PNKD: variants seen among roughly 807,000 people sequenced by gnomAD.
PNKD encodes the protein PNKD metallo-beta-lactamase domain containing, also known as probable thioesterase PNKD.
PNKD carries 36 observed loss-of-function variants against 45.3 expected under a neutral mutation model. That is an observed-to-expected ratio of 0.80 (90% confidence interval 0.61 to 1.05). The LOEUF (loss-of-function observed/expected upper bound fraction) is 1.05. Among genes scored for constraint, PNKD ranks in the 50% least tolerant of loss-of-function variants. PNKD has a pLI of 0.00. For synonymous variants in PNKD, 197 were observed against 210.1 expected, an observed-to-expected ratio of 0.94 and a Z score of 0.54; for missense variants, 511 against 506.6, an observed-to-expected ratio of 1.01 and a Z score of -0.08.
At chr2:218,282,198 GAA>G in intron 2 of PNKD, 1 of 1,364,086 alleles carries the variant, frequency 7.3e-7, no homozygotes, top group South Asian at 1.6e-5. Context: ...TGGGAGAGGA[GAA>G]AAGCAATCGT....
At chr2:218,277,876 C>T in intron 2 of PNKD, 1 of 1,610,126 alleles carries the variant, frequency 6.2e-7, no homozygotes, top group Non-Finnish European at 8.5e-7. Context: ...CCATCCCTTC[C>T]CTGGGAGCAG....
At chr2:218,313,607 T>C (rs1010362841) in intron 2 of PNKD, among the ~76,000 whole-genome samples, 3 of 152,210 alleles carry the variant, frequency 2.0e-5, no homozygotes, top group Non-Finnish European at 4.4e-5. Flanking sequence ...TTGTAGAGTT[T>C]CATCATTACC....
At chr2:218,314,596 A>T (rs1693719140) in intron 2 of PNKD, among the ~76,000 whole-genome samples, 1 of 151,660 alleles carries the variant, frequency 6.6e-6, no homozygotes, top group Non-Finnish European at 1.5e-5. Context: ...TTAGCCATTT[A>T]TTAATTTATT....
intron 2 of PNKD, among the ~76,000 whole-genome samples, chr2:218,305,524 T>A (rs551865159): frequency 7.2e-4 from 109 of 152,102 alleles, no homozygotes; most frequent in African/African-American, 2.0e-3. Context: ...TTTTTTTTTT[T>A]AATTTTTTGT....
At chr2:218,307,960 AC>A (rs1306215310) in intron 2 of PNKD, among the ~76,000 whole-genome samples, 1 of 152,190 alleles carries the variant, frequency 6.6e-6, no homozygotes, top group African/African-American at 2.4e-5. Context: ...ATGGAGCAGT[AC>A]AGGCAGGGGC....
intron 9 of PNKD, 78 bp downstream of exon 9, chr2:218,344,648 G>C: frequency 7.0e-7 from 1 of 1,427,146 alleles, no homozygotes; most frequent in Non-Finnish European, 9.9e-7. Flanking sequence ...GCTGACCCCA[G>C]GCCTGCGAGC....
chr2:218,279,736 G>A (rs547349186), intron 2 of PNKD, among the ~76,000 whole-genome samples: 1 of 152,328 alleles, frequency 6.6e-6, no homozygotes, highest in East Asian at 1.9e-4. Flanking sequence ...ATAGTCTAAA[G>A]GGAGAAAGAT....
intron 2 of PNKD, among the ~76,000 whole-genome samples, chr2:218,314,202 C>T (rs7581940): frequency 0.09 from 12,598 of 139,218 alleles, 1,936 homozygotes; most frequent in African/African-American, 0.32. Flanking sequence ...GGATTACAGG[C>T]GTGAGCCACC....
intron 2 of PNKD, chr2:218,279,905 G>A (rs1691692539): frequency 2.6e-6 from 2 of 773,634 alleles, no homozygotes; most frequent in African/African-American, 1.7e-5. Flanking sequence ...CAAGGCTAGA[G>A]AAGACAGGCA....
In PNKD at chr2:218,340,131, G is replaced by A. The variant is rs73990423; in HGVS notation, c.455G>A (p.Arg152Gln). The change falls in exon 4 of 10, where the codon CGG becomes CAG. Residue 152 changes from arginine (R) to glutamine (Q), a missense_variant. By Grantham distance (43) the Arg-to-Gln change is conservative. Transcript: ENST00000273077. This position sits in a 1 kb window ranked among gnomAD's most constrained non-coding sequence, Gnocchi z 4.2. ...GTGGCTGTGGACCCTTCAGACCCTC[G>A]GGCTGTGCAGGTGAGGGGAGGGCAG... ...LAVAVDPSDP[R>Q]AVQASIEKEG... 5,156 of 1,608,544 alleles carry A rather than the reference G, an allele frequency of 3.2e-3. 146 individuals carry two copies. The African/African-American group carries it at 0.06, about 19-fold the overall frequency.
At chr2:218,341,809 A>G in intron 6 of PNKD, 172 bp from the exon 7 acceptor site, 1 of 768,980 alleles carries the variant, frequency 1.3e-6, no homozygotes, top group East Asian at 2.7e-5. Flanking sequence ...CATAGTCCCC[A>G]AAAGAGGAAA....
At chr2:218,278,933 C>T in intron 2 of PNKD, 1 of 1,350,388 alleles carries the variant, frequency 7.4e-7, no homozygotes, top group Non-Finnish European at 1.0e-6. Flanking sequence ...ACTTGGGGGC[C>T]CTCTCAAAAA....
chr2:218,341,384 G>A, intron 5 of PNKD, 150 bp from the exon 6 acceptor site: 2 of 598,632 alleles, frequency 3.3e-6, no homozygotes, highest in South Asian at 2.2e-5. Context: ...CAAGGGAACA[G>A]CTTGAACAAA....
Position 218,340,174 on chromosome 2 carries a change from G to A in PNKD, c.465+33G>A. On this transcript the variant is annotated intron_variant, in intron 4 of 9. Transcript: ENST00000273077. The surrounding 1 kb of genome is among the most constrained non-coding windows in gnomAD (Gnocchi z 4.2). ...GAGGGCAGGGAGCAGGGGGTGCCTG[G>A]AGTCACCTTGGGGACTGGCAGTTTC... 7.2e-7 allele frequency: 1 copy of A among 1,380,692 alleles called. No homozygotes were observed. Among genetic ancestry groups the A allele is most frequent in the Non-Finnish European group, 1.0e-6 (1 of 970,028 alleles). The allele number at this position is 1,380,692 out of a possible 1,614,324, so 85.5% of individuals were successfully genotyped here.
chr2:218,310,592 C>CTTT (rs58558174), intron 2 of PNKD, among the ~76,000 whole-genome samples: 12,083 of 115,572 alleles, frequency 0.1, 1,831 homozygotes, highest in African/African-American at 0.31. Context: ...TGCTTTATTG[C>CTTT]TTTTTTTTTT....
chr2:218,343,572 C>A lies in PNKD; in HGVS notation c.854C>A (p.Thr285Asn), dbSNP rs754573542. 2.5e-6 allele frequency: 4 copies of A among 1,612,608 alleles called. No individual in the cohort carries two copies. Among genetic ancestry groups the A allele is most frequent in the African/African-American group, 2.7e-5 (2 of 74,880 alleles). Reference sequence around the variant, plus strand: ...ACTGTGCTGGGGCTAGGGGATGACACCCTTCTGTGGCCTGGTGAGACACCC... The same window carrying A: ...ACTGTGCTGGGGCTAGGGGATGACAACCTTCTGTGGCCTGGTGAGACACCC... ...LDTVLGLGDD[T>N]LLWPGHEYAE... The change falls in exon 8 of 10, where the codon ACC becomes AAC. Residue 285 changes from threonine to asparagine, a missense_variant. By Grantham distance (65) the Thr-to-Asn change is moderately conservative. Transcript: ENST00000273077.
chr2:218,344,379 T>TG (rs770585293), intron 8 of PNKD, 76 bp from the exon 9 acceptor site: 12 of 1,096,486 alleles, frequency 1.1e-5, no homozygotes, highest in Non-Finnish European at 1.6e-5. Flanking sequence ...AGCCTGGACC[T>TG]GGGGCAGGGA....
chr2:218,295,678 C>T (rs1466175276), intron 2 of PNKD, among the ~76,000 whole-genome samples: 2 of 151,652 alleles, frequency 1.3e-5, no homozygotes, highest in African/African-American at 4.9e-5. Flanking sequence ...GGCAGGGGGC[C>T]AGAAATTGAG....
intron 2 of PNKD, among the ~76,000 whole-genome samples, chr2:218,284,455 G>A (rs972340010): frequency 7.9e-5 from 12 of 152,218 alleles, no homozygotes; most frequent in Admixed American, 1.3e-4. Flanking sequence ...GGCAGCCACC[G>A]GGTGAAAGGT....
Sources: allele counts gnomAD v4.1 joint callset (sites outside exome capture counted in the v4.1 genomes callset), GRCh38; gene constraint gnomAD v4.1.1; non-coding constraint Gnocchi (gnomAD v3.1); transcripts MANE v1.5; gene names NCBI Gene and HGNC (gene_info 2026-07-23, HGNC 2026-07-21).